The following BANK1 variants were observed in gnomAD, a reference collection of about 807,000 sequenced individuals.
The protein encoded by BANK1 is B cell scaffold protein with ankyrin repeats 1.
BANK1 carries 95 observed loss-of-function variants against 94.5 expected under a neutral mutation model. The ratio of observed to expected loss-of-function variants is 1.00; its 90% CI spans 0.85 to 1.19. The LOEUF is 1.19. Ranked by LOEUF, BANK1 falls within the 50% of genes most tolerant of loss-of-function variation. The pLI, the probability that BANK1 is intolerant of heterozygous loss-of-function variation, is 0.00. For missense variants in BANK1, 987 were observed against 932.2 expected (o/e 1.06, Z -0.77); for synonymous variants, 334 against 308.4 (o/e 1.08, Z -0.87).
chr4:101,792,839 A>G (rs914860409), intron 1 of BANK1, among the ~76,000 whole-genome samples: 1 of 152,188 alleles, frequency 6.6e-6, no homozygotes, highest in Admixed American at 6.5e-5. Flanking sequence ...AGCAAGAAAA[A>G]TAGAATACCC....
intron 4 of BANK1, among the ~76,000 whole-genome samples, chr4:101,868,392 T>C (rs949473780): frequency 1.3e-5 from 2 of 151,964 alleles, no homozygotes; most frequent in Non-Finnish European, 1.5e-5. Flanking sequence ...CATTATATAA[T>C]GATAAAGATA....
chr4:101,868,997 T>C (rs1728179567), intron 4 of BANK1, among the ~76,000 whole-genome samples: 1 of 151,810 alleles, frequency 6.6e-6, no homozygotes, highest in African/African-American at 2.4e-5. Context: ...AAATTTTGAG[T>C]TAACTAAGGA....
chr4:101,840,158 C>T (rs1578348745), intron 2 of BANK1, among the ~76,000 whole-genome samples: 2 of 148,624 alleles, frequency 1.3e-5, no homozygotes, highest in African/African-American at 2.5e-5. Context: ...TTAGTAGAGA[C>T]GGGGTTTCAC....
At chr4:101,854,988 T>A (rs769917527) in intron 2 of BANK1, 47 bp from the exon 3 acceptor site, 1 of 1,435,384 alleles carries the variant, frequency 7.0e-7, no homozygotes, top group Non-Finnish European at 9.6e-7. Flanking sequence ...GAGGAAATAC[T>A]GTGGCTTTAG....
chr4:101,814,363 C>A (rs963781621), intron 1 of BANK1, among the ~76,000 whole-genome samples: 21 of 152,094 alleles, frequency 1.4e-4, no homozygotes, highest in African/African-American at 4.3e-4. Context: ...TGCTTACTGT[C>A]TTTTTTCCAC....
chr4:101,891,497 A>G (rs1028029672), intron 5 of BANK1, among the ~76,000 whole-genome samples: 3 of 152,018 alleles, frequency 2.0e-5, no homozygotes, highest in Admixed American at 6.6e-5. Context: ...TGCTTTTCAC[A>G]GCTTGCTCCG....
intron 7 of BANK1, among the ~76,000 whole-genome samples, chr4:101,995,190 GTGGTATT>G (rs1292756348): frequency 2.6e-5 from 4 of 152,022 alleles, no homozygotes; most frequent in Admixed American, 1.3e-4. Context: ...GTGAGAACAT[GTGGTATT>G]TGGTTTTCTG....
chr4:101,991,213 C>A (rs1204933964), intron 7 of BANK1, among the ~76,000 whole-genome samples: 2 of 152,208 alleles, frequency 1.3e-5, no homozygotes, highest in Admixed American at 1.3e-4. Context: ...CTCTTAAGCC[C>A]TGTGCTATAC....
At chr4:102,036,433 T>C (rs1262793268) in intron 10 of BANK1, among the ~76,000 whole-genome samples, 1 of 152,228 alleles carries the variant, frequency 6.6e-6, no homozygotes, top group Non-Finnish European at 1.5e-5. Context: ...TCCTCATTAG[T>C]AAAATACGGT....
intron 7 of BANK1, among the ~76,000 whole-genome samples, chr4:101,971,774 T>G (rs1724962609): frequency 1.3e-5 from 2 of 152,140 alleles, no homozygotes; most frequent in Admixed American, 1.3e-4. Flanking sequence ...TTGGCAGCTT[T>G]GTTGAAAATC....
At chr4:101,800,688 A>G (rs1725330241) in intron 1 of BANK1, among the ~76,000 whole-genome samples, 1 of 152,198 alleles carries the variant, frequency 6.6e-6, no homozygotes, top group Admixed American at 6.5e-5. Context: ...AACACATTCA[A>G]ACAGGTTGGT....
chr4:101,922,897 C>G (rs533291647), intron 7 of BANK1, among the ~76,000 whole-genome samples: 52 of 151,906 alleles, frequency 3.4e-4, no homozygotes, highest in African/African-American at 1.2e-3. Context: ...TTCTCTTCTC[C>G]AAGTCCTCAG....
intron 2 of BANK1, among the ~76,000 whole-genome samples, chr4:101,850,163 T>C (rs1225034348): frequency 6.6e-6 from 1 of 152,234 alleles, no homozygotes; most frequent in Non-Finnish European, 1.5e-5. Context: ...CTGTAAAAAC[T>C]CATTAGAGTA....
At chr4:101,801,879 C>T (rs1423249853) in intron 1 of BANK1, among the ~76,000 whole-genome samples, 1 of 152,128 alleles carries the variant, frequency 6.6e-6, no homozygotes, top group Non-Finnish European at 1.5e-5. Flanking sequence ...CACTTTTTAA[C>T]ACTCATTGTG....
At chr4:101,842,442 G>A (rs1727085814) in intron 2 of BANK1, among the ~76,000 whole-genome samples, 1 of 151,990 alleles carries the variant, frequency 6.6e-6, no homozygotes, top group African/African-American at 2.4e-5. Flanking sequence ...AAAAACATTA[G>A]GTGCAGTTAC....
chr4:102,017,778 A>C (rs562824625), intron 7 of BANK1, among the ~76,000 whole-genome samples: 2 of 149,650 alleles, frequency 1.3e-5, no homozygotes, highest in Admixed American at 6.6e-5. Flanking sequence ...TTAGTTTTCT[A>C]TAATAAGATC....
intron 10 of BANK1, among the ~76,000 whole-genome samples, chr4:102,038,689 C>T (rs1425489284): frequency 1.3e-5 from 2 of 152,112 alleles, no homozygotes; most frequent in African/African-American, 4.8e-5. Flanking sequence ...CTCAGAATGG[C>T]TCACCTTCCT....
At chr4:102,008,017 A>G (rs1726362475) in intron 7 of BANK1, among the ~76,000 whole-genome samples, 1 of 152,182 alleles carries the variant, frequency 6.6e-6, no homozygotes, top group Middle Eastern at 3.2e-3. Context: ...CTGTAGTCAA[A>G]TATGATTCCT....
At chr4:101,954,027 G>A (rs906823599) in intron 7 of BANK1, among the ~76,000 whole-genome samples, 4 of 152,042 alleles carry the variant, frequency 2.6e-5, no homozygotes, top group African/African-American at 9.7e-5. Flanking sequence ...GAGACCCGAG[G>A]AAGAATCTAT....
Sources: gnomAD v4.1 joint callset for allele counts (sites outside exome capture counted in the v4.1 genomes callset) on GRCh38, gnomAD v4.1.1 for gene constraint, MANE v1.5 for transcripts, NCBI Gene and HGNC (gene_info 2026-07-23, HGNC 2026-07-21) for gene names.